Variants in CTCF observed in about 807,000 individuals in gnomAD.
The protein encoded by CTCF is CCCTC-binding factor, also known as transcriptional repressor CTCF.
A neutral mutation model predicts 72.3 loss-of-function variants in CTCF; 7 were observed. That is an observed-to-expected ratio of 0.10 (90% CI 0.06 to 0.18). The LOEUF (loss-of-function observed/expected upper bound fraction) is 0.18, where lower values mean the gene tolerates loss of function less well. CTCF is among the 10% of genes least tolerant of loss of function. The probability of loss-of-function intolerance (pLI) is 1.00; values close to 1 mark genes in which losing one functional copy is unlikely to be tolerated. For synonymous variants in CTCF, 374 were observed against 315.8 expected (o/e 1.18, Z -1.95); for missense variants, 516 against 949.1 (o/e 0.54, Z 6.00).
At chr16:67,566,320 A>G (rs1348308688) in intron 1 of CTCF, among the ~76,000 whole-genome samples, 1 of 151,776 alleles carries the variant, frequency 6.6e-6, no homozygotes, top group East Asian at 2.0e-4. Context: ...CCTGGCCAAC[A>G]TGGTGAGACC....
At chr16:67,573,294 T>C (rs1004722599) in intron 2 of CTCF, among the ~76,000 whole-genome samples, 2 of 151,494 alleles carry the variant, frequency 1.3e-5, no homozygotes, top group Non-Finnish European at 2.9e-5. Flanking sequence ...CTGGGTGTGG[T>C]GGTGCGTGCC....
intron 2 of CTCF, among the ~76,000 whole-genome samples, chr16:67,604,853 A>T (rs1269787042): frequency 3.3e-5 from 5 of 150,400 alleles, no homozygotes; most frequent in African/African-American, 1.2e-4. Flanking sequence ...GAACAGTGCC[A>T]GCCTAGAGAA....
chr16:67,562,921 ACGCCCGCC>A (rs529970183), intron 1 of CTCF, among the ~76,000 whole-genome samples, 197 bp downstream of exon 1: 28 of 41,456 alleles, frequency 6.8e-4, no homozygotes, highest in East Asian at 1.9e-3. Flanking sequence ...CCCCACCCCC[ACGCCCGCC>A]CGCCCGCCCG....
chr16:67,581,594 C>G (rs1231976338), intron 2 of CTCF, among the ~76,000 whole-genome samples: 2 of 152,088 alleles, frequency 1.3e-5, no homozygotes, highest in African/African-American at 4.8e-5. Flanking sequence ...ACCTCCGCCT[C>G]CCAGGTTCAA....
chr16:67,607,659 T>G (rs1307722213), intron 2 of CTCF, among the ~76,000 whole-genome samples: 1 of 152,046 alleles, frequency 6.6e-6, no homozygotes, highest in Non-Finnish European at 1.5e-5. Context: ...TGTTTTCTGC[T>G]TTCTATTATA....
At chr16:67,583,437 A>G (rs2051618015) in intron 2 of CTCF, among the ~76,000 whole-genome samples, 1 of 152,098 alleles carries the variant, frequency 6.6e-6, no homozygotes, top group Admixed American at 6.6e-5. Flanking sequence ...CTGTAATCCC[A>G]GCACCTTGGG....
At chr16:67,609,850 T>C (rs1033009574) in intron 2 of CTCF, among the ~76,000 whole-genome samples, 3 of 152,164 alleles carry the variant, frequency 2.0e-5, no homozygotes, top group African/African-American at 7.2e-5. Context: ...GGTCTCGATC[T>C]CCTGACCTCC....
chr16:67,605,406 C>T (rs2051960771), intron 2 of CTCF, among the ~76,000 whole-genome samples: 1 of 152,192 alleles, frequency 6.6e-6, no homozygotes, highest in African/African-American at 2.4e-5. Flanking sequence ...TCCCCACTGT[C>T]ATGGAACAGC....
chr16:67,614,346 CAAAAA>C (rs1216599508), intron 4 of CTCF: 4 of 39,590 alleles, frequency 1.0e-4, no homozygotes, highest in East Asian at 8.1e-4. Context: ...GACTCCATCT[CAAAAA>C]AAAAAAAAAA....
At chr16:67,609,700 T>G (rs989017471) in intron 2 of CTCF, among the ~76,000 whole-genome samples, 4 of 151,390 alleles carry the variant, frequency 2.6e-5, no homozygotes, top group African/African-American at 4.9e-5. Flanking sequence ...CTTGGCTCAC[T>G]GCAAGCTCCG....
chr16:67,637,791 AGAG>A lies in CTCF; in HGVS notation c.2108_2110del (p.Glu703del). On this transcript the variant is annotated inframe_deletion, in exon 12 of 12. Transcript: ENST00000264010. ...ATGCTGAGCCCGCAGAGGGAGAGGA[AGAG>A]GAGGCCCAGCCAGCTGCCACAGATG... 6.2e-7 allele frequency: 1 copy of A among 1,613,218 alleles called. No homozygotes were observed. The highest frequency in any genetic ancestry group is 8.5e-7 in the Non-Finnish European group (1 of 1,180,032).
At chr16:67,580,226 T>G (rs1434819958) in intron 2 of CTCF, among the ~76,000 whole-genome samples, 1 of 152,212 alleles carries the variant, frequency 6.6e-6, no homozygotes, top group Non-Finnish European at 1.5e-5. Flanking sequence ...TAAATTAATT[T>G]AGAGACAGAC....
At chr16:67,617,110 C>G (rs1400815025) in intron 5 of CTCF, among the ~76,000 whole-genome samples, 1 of 152,122 alleles carries the variant, frequency 6.6e-6, no homozygotes, top group African/African-American at 2.4e-5. Flanking sequence ...GCCTATAATC[C>G]CAGCACTTTG....
intron 7 of CTCF, among the ~76,000 whole-genome samples, chr16:67,625,293 C>G (rs968224278): frequency 6.6e-6 from 1 of 151,834 alleles, no homozygotes; most frequent in African/African-American, 2.4e-5. Context: ...CAGGTTCAAG[C>G]CATTTTCTTG....
At chr16:67,574,061 G>A (rs1350029655) in intron 2 of CTCF, among the ~76,000 whole-genome samples, 1 of 151,836 alleles carries the variant, frequency 6.6e-6, no homozygotes, top group African/African-American at 2.4e-5. Context: ...ACCAAAGATG[G>A]GGTGGAGGGA....
At chr16:67,624,071 ATG>A (rs58387336) in intron 7 of CTCF, among the ~76,000 whole-genome samples, 13,411 of 117,370 alleles carry the variant, frequency 0.11, 609 homozygotes, top group Middle Eastern at 0.12. Flanking sequence ...AAAATTATAT[ATG>A]TGTGTGTGTG....
At chr16:67,566,501 C>T (rs1597671873) in intron 1 of CTCF, among the ~76,000 whole-genome samples, 1 of 101,378 alleles carries the variant, frequency 9.9e-6, no homozygotes, top group Admixed American at 1.3e-4. Context: ...CAGAGTGAGA[C>T]TTTGTCTCAA....
intron 4 of CTCF, among the ~76,000 whole-genome samples, chr16:67,612,916 C>T (rs929099891): frequency 1.6e-4 from 25 of 152,126 alleles, no homozygotes; most frequent in South Asian, 8.3e-4. Context: ...CCAGCCTGGG[C>T]GACAGAGTGA....
At chr16:67,591,374 G>A (rs1187932415) in intron 2 of CTCF, among the ~76,000 whole-genome samples, 1 of 152,160 alleles carries the variant, frequency 6.6e-6, no homozygotes, top group African/African-American at 2.4e-5. Flanking sequence ...GATAAAGGCT[G>A]CTTCCGTTCC....
Sources: gnomAD v4.1 joint callset for allele counts (sites outside exome capture counted in the v4.1 genomes callset) on GRCh38, gnomAD v4.1.1 for gene constraint, MANE v1.5 for transcripts, NCBI Gene and HGNC (gene_info 2026-07-23, HGNC 2026-07-21) for gene names.